The following CCDC3 variants were observed in gnomAD, a reference collection of about 807,000 sequenced individuals.
The protein encoded by CCDC3 is coiled-coil domain-containing protein 3.
In CCDC3, 24 loss-of-function variants were observed where a neutral mutation model predicts 21.4. The ratio of observed to expected loss-of-function variants is 1.12; its 90% CI spans 0.81 to 1.58. The LOEUF is 1.58. Among genes scored for constraint, CCDC3 ranks in the 40% most tolerant of loss-of-function variants. The pLI, the probability that CCDC3 is intolerant of heterozygous loss-of-function variation, is 0.00. For synonymous variants in CCDC3, 186 were observed against 166.0 expected, an observed-to-expected ratio of 1.12 and a Z score of -0.93; for missense variants, 425 against 360.9, an observed-to-expected ratio of 1.18 and a Z score of -1.44.
chr10:12,933,911 T>C (rs1202892243), intron 2 of CCDC3, among the ~76,000 whole-genome samples: 1 of 152,150 alleles, frequency 6.6e-6, no homozygotes, highest in Non-Finnish European at 1.5e-5. Flanking sequence ...TCAGCTCTTT[T>C]GATTATTTTC....
At chr10:12,938,315 A>C (rs1461702404) in intron 2 of CCDC3, among the ~76,000 whole-genome samples, 1 of 150,468 alleles carries the variant, frequency 6.6e-6, no homozygotes, top group Non-Finnish European at 1.5e-5. Context: ...CAATACTTTT[A>C]GCCCCCAGTC....
At chr10:13,003,674 C>T (rs1053077970), upstream of CCDC3, among the ~76,000 whole-genome samples, 5 of 152,202 alleles carry the variant, frequency 3.3e-5, no homozygotes, top group Non-Finnish European at 7.4e-5. Context: ...GTTTTTCTTA[C>T]TAACTGCATC....
At chr10:13,080,345 A>C (rs565575819) in intron 3 of CCDC3, among the ~76,000 whole-genome samples, 2 of 152,240 alleles carry the variant, frequency 1.3e-5, no homozygotes, top group Admixed American at 1.3e-4. Context: ...AAGTTAAAGC[A>C]TGTCAAAGAT....
intron 2 of CCDC3, among the ~76,000 whole-genome samples, chr10:12,987,611 G>A (rs563591614): frequency 3.3e-5 from 5 of 152,064 alleles, no homozygotes; most frequent in East Asian, 1.9e-4. Context: ...TGCATCTATC[G>A]AGATGCAAAT....
At chr10:13,063,079 C>T (rs954756397) in intron 4 of CCDC3, among the ~76,000 whole-genome samples, 10 of 19,900 alleles carry the variant, frequency 5.0e-4, no homozygotes, top group African/African-American at 2.5e-3. Flanking sequence ...GACCAATCAG[C>T]ACTCCTGGCT....
At chr10:12,969,449 TAAC>T (rs1354300063) in intron 2 of CCDC3, among the ~76,000 whole-genome samples, 1 of 141,470 alleles carries the variant, frequency 7.1e-6, no homozygotes, top group Non-Finnish European at 1.6e-5. Flanking sequence ...GGTAAATATA[TAAC>T]AACACACACC....
At chr10:12,899,004 C>T (rs1226857036) in intron 2 of CCDC3, among the ~76,000 whole-genome samples, 1 of 152,182 alleles carries the variant, frequency 6.6e-6, no homozygotes, top group Non-Finnish European at 1.5e-5. Context: ...AAGACCAAAA[C>T]CAGAAATGCA....
chr10:12,901,707 C>T (rs1488038293), intron 2 of CCDC3, among the ~76,000 whole-genome samples: 1 of 152,182 alleles, frequency 6.6e-6, no homozygotes, highest in Non-Finnish European at 1.5e-5. Flanking sequence ...GCACAGTAAA[C>T]GTTCACTAAC....
At chr10:13,058,153 G>T in intron 4 of CCDC3, 1 of 936,134 alleles carries the variant, frequency 1.1e-6, no homozygotes. Flanking sequence ...ATTTGGTATT[G>T]CGAGGGATAG....
At chr10:12,905,687 T>A (rs1452140936) in intron 2 of CCDC3, among the ~76,000 whole-genome samples, 1 of 152,106 alleles carries the variant, frequency 6.6e-6, no homozygotes, top group Non-Finnish European at 1.5e-5. Flanking sequence ...ATTTCAAACC[T>A]CCAGGTGGAA....
chr10:13,029,623 A>C (rs1015702251), intron 5 of CCDC3, among the ~76,000 whole-genome samples: 6 of 152,228 alleles, frequency 3.9e-5, no homozygotes, highest in Admixed American at 1.3e-4. Flanking sequence ...TAACTAGAAC[A>C]AACAGCATAG....
intron 2 of CCDC3, among the ~76,000 whole-genome samples, chr10:12,956,629 G>A (rs1835090915): frequency 6.6e-6 from 1 of 152,202 alleles, no homozygotes; most frequent in Non-Finnish European, 1.5e-5. Flanking sequence ...GGCAGGTAAT[G>A]TAATCTGGCC....
intron 2 of CCDC3, among the ~76,000 whole-genome samples, chr10:12,970,261 G>A (rs1835321970): frequency 6.6e-6 from 1 of 152,244 alleles, no homozygotes; most frequent in East Asian, 1.9e-4. Context: ...GCATATCGCG[G>A]CAACTACAGT....
At chr10:13,076,635 T>C (rs557586207) in intron 3 of CCDC3, among the ~76,000 whole-genome samples, 127 of 152,370 alleles carry the variant, frequency 8.3e-4, no homozygotes, top group Non-Finnish European at 1.5e-3. Context: ...CACAGGCACA[T>C]AGTACATTCT....
intron 2 of CCDC3, 146 bp downstream of exon 2, chr10:12,998,192 G>C (rs1835791062): frequency 1.3e-6 from 1 of 762,106 alleles, no homozygotes; most frequent in South Asian, 2.6e-5. Flanking sequence ...GGTAAGGAGG[G>C]ATAGCAGGAG....
intron 2 of CCDC3, among the ~76,000 whole-genome samples, chr10:12,900,637 G>C (rs761845228): frequency 7.0e-6 from 1 of 143,304 alleles, no homozygotes; most frequent in African/African-American, 2.6e-5. Flanking sequence ...CTTGCAGTGA[G>C]CCGAGATCGC....
intron 2 of CCDC3, among the ~76,000 whole-genome samples, chr10:12,935,068 T>C (rs1178799113): frequency 6.6e-6 from 1 of 152,168 alleles, no homozygotes; most frequent in Non-Finnish European, 1.5e-5. Flanking sequence ...CTGGCTTTTT[T>C]TTTTTAAGAG....
intron 2 of CCDC3, among the ~76,000 whole-genome samples, chr10:12,933,624 T>C (rs1251011): frequency 6.6e-6 from 1 of 151,756 alleles, no homozygotes; most frequent in Non-Finnish European, 1.5e-5. Flanking sequence ...GCCAGGATAA[T>C]ATTTTGTGTT....
chr10:13,080,043 C>G (rs1837016396), intron 3 of CCDC3, among the ~76,000 whole-genome samples: 1 of 152,178 alleles, frequency 6.6e-6, no homozygotes, highest in African/African-American at 2.4e-5. Flanking sequence ...ACAAGGGGGC[C>G]CTCTGGCCCA....
Sources: allele counts gnomAD v4.1 joint callset (sites outside exome capture counted in the v4.1 genomes callset), GRCh38; gene constraint gnomAD v4.1.1; transcripts MANE v1.5; gene names NCBI Gene and HGNC (gene_info 2026-07-23, HGNC 2026-07-21).